Variants in MYO1D observed in about 807,000 individuals in gnomAD.
The protein encoded by MYO1D is myosin ID, also known as unconventional myosin-Id.
A neutral mutation model predicts 122.0 loss-of-function variants in MYO1D; 83 were observed. The observed-to-expected ratio is 0.68, with a 90% CI of 0.57 to 0.82. The LOEUF is 0.82. Ranked by LOEUF, MYO1D falls within the 40% of genes least tolerant of loss-of-function variation. The pLI, the probability that MYO1D is intolerant of heterozygous loss-of-function variation, is 0.00. For missense variants in MYO1D, 1,157 were observed against 1,269.5 expected, an observed-to-expected ratio of 0.91 and a Z score of 1.35; for synonymous variants, 464 against 446.9, an observed-to-expected ratio of 1.04 and a Z score of -0.48.
chr17:32,581,094 A>C (rs957529860), intron 21 of MYO1D, among the ~76,000 whole-genome samples: 8 of 152,114 alleles, frequency 5.3e-5, no homozygotes, highest in African/African-American at 1.9e-4. Context: ...CCTTGTGGAA[A>C]GGTTTTAACT....
At chr17:32,777,499 A>G (rs886360291) in intron 3 of MYO1D, among the ~76,000 whole-genome samples, 21 of 152,250 alleles carry the variant, frequency 1.4e-4, no homozygotes, top group South Asian at 2.1e-4. Flanking sequence ...GTTGCTTTAT[A>G]GCTATCATCC....
chr17:32,671,987 G>A (rs956002312), intron 16 of MYO1D, among the ~76,000 whole-genome samples: 12 of 152,154 alleles, frequency 7.9e-5, no homozygotes, highest in Middle Eastern at 3.4e-3. Flanking sequence ...TTTTGGTACC[G>A]CCTTAAATTT....
At chr17:32,524,928 C>G (rs543178424) in intron 21 of MYO1D, among the ~76,000 whole-genome samples, 3 of 152,184 alleles carry the variant, frequency 2.0e-5, no homozygotes, top group Non-Finnish European at 4.4e-5. Flanking sequence ...GTCTTAAACT[C>G]CTGGGCTCAA....
chr17:32,646,020 C>T (rs538618795), intron 19 of MYO1D, among the ~76,000 whole-genome samples: 12 of 152,114 alleles, frequency 7.9e-5, no homozygotes, highest in East Asian at 3.9e-4. Flanking sequence ...TGTTTTTTCC[C>T]GATCTTTGTG....
At chr17:32,656,100 C>A (rs1370471653) in intron 17 of MYO1D, among the ~76,000 whole-genome samples, 1 of 152,168 alleles carries the variant, frequency 6.6e-6, no homozygotes, top group East Asian at 1.9e-4. Flanking sequence ...GGCACCCTAG[C>A]CCTGCACGAT....
intron 1 of MYO1D, among the ~76,000 whole-genome samples, chr17:32,842,213 G>A (rs1337338844): frequency 6.6e-6 from 1 of 152,146 alleles, no homozygotes. Flanking sequence ...GGAAGACAGG[G>A]ATACAATGGA....
intron 16 of MYO1D, among the ~76,000 whole-genome samples, chr17:32,702,460 T>C (rs2089259776): frequency 6.6e-6 from 1 of 152,208 alleles, no homozygotes; most frequent in Non-Finnish European, 1.5e-5. Flanking sequence ...TTGAATATTT[T>C]ATTTCACTAG....
chr17:32,621,101 G>T (rs2150925562), intron 20 of MYO1D, among the ~76,000 whole-genome samples: 1 of 152,194 alleles, frequency 6.6e-6, no homozygotes, highest in South Asian at 2.1e-4. Flanking sequence ...TTCCCTTGGG[G>T]ACGTTGAATA....
At chr17:32,710,810 C>G (rs931035035) in intron 16 of MYO1D, among the ~76,000 whole-genome samples, 1 of 152,082 alleles carries the variant, frequency 6.6e-6, no homozygotes, top group Non-Finnish European at 1.5e-5. Context: ...AGCAAAGAAG[C>G]ATTTAATGAG....
At chr17:32,685,761 C>G (rs2088996268) in intron 16 of MYO1D, among the ~76,000 whole-genome samples, 1 of 152,202 alleles carries the variant, frequency 6.6e-6, no homozygotes, top group Non-Finnish European at 1.5e-5. Context: ...CTTCTTCACC[C>G]AAATAAGTAC....
chr17:32,565,267 G>C (rs1052875391), intron 21 of MYO1D, among the ~76,000 whole-genome samples: 1 of 152,036 alleles, frequency 6.6e-6, no homozygotes, highest in Non-Finnish European at 1.5e-5. Context: ...GCCTCCCAAA[G>C]TGCTGGGATT....
At chr17:32,730,060 C>A (rs1376047244) in intron 14 of MYO1D, among the ~76,000 whole-genome samples, 2 of 148,918 alleles carry the variant, frequency 1.3e-5, no homozygotes, top group East Asian at 3.9e-4. Context: ...TTCCCATGTT[C>A]TTTTGTTTCT....
At chr17:32,806,277 C>CA (rs1023202243) in intron 1 of MYO1D, among the ~76,000 whole-genome samples, 6 of 151,366 alleles carry the variant, frequency 4.0e-5, no homozygotes, top group African/African-American at 1.5e-4. Context: ...CAAACAAAAA[C>CA]AAAAAAAAGT....
intron 21 of MYO1D, among the ~76,000 whole-genome samples, chr17:32,515,800 A>G (rs1653462604): frequency 6.6e-6 from 1 of 152,188 alleles, no homozygotes; most frequent in Admixed American, 6.5e-5. Flanking sequence ...AGAGGCAGCT[A>G]TCTCATAAAC....
chr17:32,718,626 G>A lies in MYO1D; in HGVS notation c.1913+2397C>T, dbSNP rs141634010. Among the ~76,000 whole-genome samples, 591 of 152,160 alleles carry A rather than the reference G, an allele frequency of 3.9e-3. 1 individual carries two copies. The highest frequency in any genetic ancestry group is 6.6e-3 in the Non-Finnish European group (452 of 67,988). On this transcript the variant is annotated intron_variant, in intron 15 of 21. Coordinates refer to ENST00000318217, the MANE Select transcript of MYO1D (RefSeq NM_015194.3). Reference sequence around the variant, plus strand: ...TGGGGTGGGAGAATCGCTTGAACCCGGGAGGTGGAGCTGCAGTGAGCTGAG... The same window carrying A: ...TGGGGTGGGAGAATCGCTTGAACCCAGGAGGTGGAGCTGCAGTGAGCTGAG...
In MYO1D at chr17:32,755,486, CAT is replaced by C; in HGVS notation, c.1467+4_1467+5del. The C allele has an allele frequency of 1.9e-6, 3 of 1,612,834 alleles. No individual in the cohort carries two copies. The highest frequency in any genetic ancestry group is 2.5e-6 in the Non-Finnish European group (3 of 1,179,210). ...AAAAGGAAGAAGGTGTCATTAAACA[CAT>C]TACCTTTCGGCTGGAAAAATGGGCG... is the stretch of plus-strand genomic sequence containing the variant. On this transcript the variant is annotated splice_donor_5th_base_variant and intron_variant, in intron 11 of 21. Coordinates refer to ENST00000318217, the MANE Select transcript of MYO1D (RefSeq NM_015194.3).
chr17:32,543,295 G>T (rs376028856), intron 21 of MYO1D, among the ~76,000 whole-genome samples: 1 of 151,450 alleles, frequency 6.6e-6, no homozygotes, highest in Non-Finnish European at 1.5e-5. Context: ...TGTGAGGGCC[G>T]GCTGGGTGTG....
At chr17:32,710,982 T>C (rs917841540) in intron 16 of MYO1D, among the ~76,000 whole-genome samples, 4 of 152,210 alleles carry the variant, frequency 2.6e-5, no homozygotes, top group Non-Finnish European at 1.5e-5. Flanking sequence ...AACTGGCTCA[T>C]GCAAGATAAC....
intron 21 of MYO1D, among the ~76,000 whole-genome samples, 190 bp from the exon 22 acceptor site, chr17:32,495,105 G>A (rs575101196): frequency 1.2e-4 from 19 of 152,356 alleles, no homozygotes; most frequent in African/African-American, 4.6e-4. Context: ...TCCAACCACA[G>A]CCTCGGCACC....
Sources: gnomAD v4.1 joint callset for allele counts (sites outside exome capture counted in the v4.1 genomes callset) on GRCh38, gnomAD v4.1.1 for gene constraint, MANE v1.5 for transcripts, NCBI Gene and HGNC (gene_info 2026-07-23, HGNC 2026-07-21) for gene names.